The following SUCLG2 variants were observed in gnomAD, a reference collection of about 807,000 sequenced individuals.
SUCLG2 encodes the protein succinate-CoA ligase GDP-forming subunit beta.
A neutral mutation model predicts 47.9 loss-of-function variants in SUCLG2; 42 were observed. The ratio of observed to expected loss-of-function variants is 0.88; its 90% CI spans 0.69 to 1.14. The LOEUF (loss-of-function observed/expected upper bound fraction) is 1.14. Among genes scored for constraint, SUCLG2 ranks in the 50% most tolerant of loss-of-function variants. SUCLG2 has a pLI of 0.00. For missense variants in SUCLG2, 571 were observed against 525.9 expected (o/e 1.09, Z -0.84); for synonymous variants, 195 against 197.3 (o/e 0.99, Z 0.10).
intron 9 of SUCLG2, among the ~76,000 whole-genome samples, chr3:67,482,812 TAGA>T (rs1328530348): frequency 1.3e-5 from 2 of 152,160 alleles, no homozygotes; most frequent in African/African-American, 4.8e-5. Context: ...AAGTGAAACC[TAGA>T]AGGTCAAGGG....
chr3:67,653,339 C>T (rs961130589), intron 1 of SUCLG2, among the ~76,000 whole-genome samples: 2 of 152,126 alleles, frequency 1.3e-5, no homozygotes, highest in Non-Finnish European at 2.9e-5. Flanking sequence ...CTTTTGCTAC[C>T]TCACTATACT....
At chr3:67,642,090 T>C (rs745664134) in intron 1 of SUCLG2, among the ~76,000 whole-genome samples, 4 of 152,182 alleles carry the variant, frequency 2.6e-5, no homozygotes, top group Admixed American at 6.5e-5. Flanking sequence ...CCTTTAAAGA[T>C]AGAGTCTTTA....
At chr3:67,395,089 C>T (rs1208777988) in intron 10 of SUCLG2, among the ~76,000 whole-genome samples, 2 of 151,948 alleles carry the variant, frequency 1.3e-5, no homozygotes, top group African/African-American at 2.4e-5. Flanking sequence ...TAAAGACCAT[C>T]GAGACTAGGA....
At chr3:67,525,822 A>C (rs1182753367) in intron 4 of SUCLG2, among the ~76,000 whole-genome samples, 11 of 152,208 alleles carry the variant, frequency 7.2e-5, no homozygotes, top group Admixed American at 7.2e-4. Flanking sequence ...CCTGCAAATG[A>C]CCCTGTTGAA....
chr3:67,578,279 TTTATATATATAAAATC>T (rs1039912777), intron 2 of SUCLG2, among the ~76,000 whole-genome samples: 3 of 139,020 alleles, frequency 2.2e-5, no homozygotes, highest in Admixed American at 2.1e-4. Context: ...TATATAAAAT[TTTATATATATAAAATC>T]ATATATATAC....
intron 5 of SUCLG2, 93 bp downstream of exon 5, chr3:67,520,389 T>C: frequency 6.4e-7 from 1 of 1,555,250 alleles, no homozygotes; most frequent in Non-Finnish European, 8.8e-7. Flanking sequence ...AGAGACAGAT[T>C]TAGTGCTCCT....
intron 9 of SUCLG2, among the ~76,000 whole-genome samples, chr3:67,437,086 G>A (rs757096562): frequency 2.6e-5 from 4 of 152,022 alleles, no homozygotes; most frequent in Non-Finnish European, 5.9e-5. Flanking sequence ...TTTCCTTCTA[G>A]TATGTTTCTG....
intron 6 of SUCLG2, among the ~76,000 whole-genome samples, chr3:67,513,216 T>C (rs1304411445): frequency 6.6e-6 from 1 of 152,190 alleles, no homozygotes; most frequent in East Asian, 1.9e-4. Context: ...TCCATTATAG[T>C]ATATACCACA....
chr3:67,504,456 C>T (rs546990309), intron 7 of SUCLG2, among the ~76,000 whole-genome samples: 6 of 152,326 alleles, frequency 3.9e-5, no homozygotes, highest in Non-Finnish European at 5.9e-5. Context: ...TTAATTCTCA[C>T]GGAATCTTAG....
chr3:67,627,754 G>C (rs1445301157), intron 1 of SUCLG2, among the ~76,000 whole-genome samples: 1 of 152,194 alleles, frequency 6.6e-6, no homozygotes, highest in Non-Finnish European at 1.5e-5. Flanking sequence ...AAAAGGAGCT[G>C]GTTTCAAGAC....
At chr3:67,510,978 C>T (rs1379279634) in intron 6 of SUCLG2, among the ~76,000 whole-genome samples, 3 of 151,262 alleles carry the variant, frequency 2.0e-5, no homozygotes, top group Non-Finnish European at 2.9e-5. Context: ...GCAACCTCCA[C>T]CTGCCGGGTT....
intron 4 of SUCLG2, among the ~76,000 whole-genome samples, chr3:67,524,199 T>C (rs1484617448): frequency 6.6e-6 from 1 of 152,184 alleles, no homozygotes. Context: ...AGCAACTCCA[T>C]TAGAAACATT....
downstream of SUCLG2, among the ~76,000 whole-genome samples, chr3:67,371,791 C>T (rs1038000689): frequency 1.3e-5 from 2 of 152,134 alleles, no homozygotes; most frequent in Admixed American, 1.3e-4. Flanking sequence ...AAACAAAGAC[C>T]AGTGGCTTTT....
At chr3:67,378,524 T>G (rs534488617) in intron 10 of SUCLG2, among the ~76,000 whole-genome samples, 1 of 152,108 alleles carries the variant, frequency 6.6e-6, no homozygotes, top group Non-Finnish European at 1.5e-5. Flanking sequence ...CCAAGAACCA[T>G]ATAAGGGATC....
chr3:67,579,997 A>C (rs1019597807), intron 2 of SUCLG2, among the ~76,000 whole-genome samples: 16 of 152,290 alleles, frequency 1.1e-4, no homozygotes, highest in African/African-American at 3.4e-4. Flanking sequence ...AGTCAACAAA[A>C]AGAAAAAAAT....
chr3:67,432,357 G>A (rs1703507259), intron 9 of SUCLG2, among the ~76,000 whole-genome samples: 1 of 152,142 alleles, frequency 6.6e-6, no homozygotes, highest in Non-Finnish European at 1.5e-5. Context: ...GCAGGTCTAG[G>A]ACAGTACTAG....
At chr3:67,364,225 G>A (rs1701845962) in intron 10 of SUCLG2, among the ~76,000 whole-genome samples, 1 of 152,154 alleles carries the variant, frequency 6.6e-6, no homozygotes, top group Admixed American at 6.5e-5. Flanking sequence ...TCTCTGCCTG[G>A]GTGGTATTAG....
intron 2 of SUCLG2, among the ~76,000 whole-genome samples, chr3:67,558,531 C>T: frequency 6.6e-6 from 1 of 152,162 alleles, no homozygotes; most frequent in African/African-American, 2.4e-5. Flanking sequence ...CCCTGCTGGA[C>T]TGTCTTAGAG....
At chr3:67,514,195 CT>C (rs1046165225) in intron 6 of SUCLG2, 18 of 348,552 alleles carry the variant, frequency 5.2e-5, no homozygotes, top group African/African-American at 3.9e-4. Context: ...TAAAAACTCA[CT>C]CTTGGGAGCT....
Sources: allele counts gnomAD v4.1 joint callset (sites outside exome capture counted in the v4.1 genomes callset), GRCh38; gene constraint gnomAD v4.1.1; transcripts MANE v1.5; gene names NCBI Gene and HGNC (gene_info 2026-07-23, HGNC 2026-07-21).